The following DCC variants were observed in gnomAD, a reference collection of about 807,000 sequenced individuals.
DCC encodes the protein netrin receptor DCC.
Under a neutral mutation model 172.5 loss-of-function variants are expected in DCC, and 58 were observed. That is an observed-to-expected ratio of 0.34 (90% CI 0.27 to 0.42). The LOEUF (loss-of-function observed/expected upper bound fraction) is 0.42. DCC is among the 10% of genes least tolerant of loss of function. The pLI, the probability that DCC is intolerant of heterozygous loss-of-function variation, is 1.00. For synonymous variants in DCC, 709 were observed against 644.5 expected, an observed-to-expected ratio of 1.10 and a Z score of -1.52; for missense variants, 1,740 against 1,791.0, an observed-to-expected ratio of 0.97 and a Z score of 0.51.
At chr18:53,000,702 CAG>C in intron 5 of DCC, among the ~76,000 whole-genome samples, 1 of 147,450 alleles carries the variant, frequency 6.8e-6, no homozygotes. Context: ...AGACAAAAGT[CAG>C]GGACAGGAAC....
At chr18:53,206,042 A>G (rs1448102537) in intron 10 of DCC, among the ~76,000 whole-genome samples, 1 of 135,486 alleles carries the variant, frequency 7.4e-6, no homozygotes, top group Non-Finnish European at 1.6e-5. Context: ...ATATGTGTAT[A>G]TATAATATGT....
At chr18:52,708,764 G>GA (rs1043053141) in intron 1 of DCC, among the ~76,000 whole-genome samples, 11 of 151,996 alleles carry the variant, frequency 7.2e-5, no homozygotes, top group African/African-American at 2.7e-4. Context: ...AAATACAAGA[G>GA]AAAAAACAAA....
chr18:52,752,483 T>A (rs1389313356), intron 2 of DCC, 109 bp downstream of exon 2: 19 of 845,872 alleles, frequency 2.2e-5, no homozygotes, highest in Non-Finnish European at 3.7e-5. Context: ...TTTAAAAATC[T>A]TTTAAATTTT....
intron 2 of DCC, among the ~76,000 whole-genome samples, chr18:52,760,722 C>G (rs759456636): frequency 1.5e-4 from 23 of 152,104 alleles, no homozygotes; most frequent in Non-Finnish European, 2.5e-4. Context: ...GACTCAATAA[C>G]TGTATACAAA....
At chr18:52,655,342 T>C (rs534706090) in intron 1 of DCC, among the ~76,000 whole-genome samples, 1 of 152,268 alleles carries the variant, frequency 6.6e-6, no homozygotes, top group East Asian at 1.9e-4. Flanking sequence ...TTTGACAAAT[T>C]AATAATCGAG....
At chr18:52,817,803 ATG>A (rs1555668566) in intron 2 of DCC, among the ~76,000 whole-genome samples, 16 of 151,534 alleles carry the variant, frequency 1.1e-4, no homozygotes, top group African/African-American at 2.7e-4. Flanking sequence ...ATATATATAT[ATG>A]TGTGTGTGTG....
intron 15 of DCC, among the ~76,000 whole-genome samples, chr18:53,347,988 G>A (rs1247086880): frequency 1.3e-5 from 2 of 152,080 alleles, no homozygotes; most frequent in South Asian, 2.1e-4. Context: ...GGGACACAGC[G>A]AAACCATATC....
At chr18:53,523,687 A>T (rs936397839) in intron 27 of DCC, among the ~76,000 whole-genome samples, 6 of 152,032 alleles carry the variant, frequency 3.9e-5, no homozygotes, top group Non-Finnish European at 8.8e-5. Flanking sequence ...ATGTTCTCAC[A>T]CATAAGTGGG....
At chr18:53,254,869 T>C (rs1323130135) in intron 12 of DCC, among the ~76,000 whole-genome samples, 1 of 152,076 alleles carries the variant, frequency 6.6e-6, no homozygotes, top group African/African-American at 2.4e-5. Context: ...CATAGTAATA[T>C]TGTTGCAATA....
intron 7 of DCC, among the ~76,000 whole-genome samples, chr18:53,092,471 T>C (rs763451089): frequency 2.0e-5 from 3 of 152,206 alleles, no homozygotes; most frequent in Non-Finnish European, 2.9e-5. Flanking sequence ...CACTCCATCA[T>C]TTATTAAAGC....
intron 12 of DCC, among the ~76,000 whole-genome samples, chr18:53,262,934 TG>T (rs1211747265): frequency 1.3e-5 from 2 of 152,224 alleles, no homozygotes; most frequent in Non-Finnish European, 2.9e-5. Context: ...TTAGTGATTT[TG>T]TAAACAACTT....
intron 5 of DCC, among the ~76,000 whole-genome samples, chr18:53,060,843 A>T (rs984880166): frequency 2.6e-5 from 4 of 152,106 alleles, no homozygotes; most frequent in Non-Finnish European, 4.4e-5. Flanking sequence ...AAACTCAATC[A>T]TTTGTTTTTT....
chr18:53,220,668 C>T (rs1388624622), intron 12 of DCC, among the ~76,000 whole-genome samples: 1 of 152,228 alleles, frequency 6.6e-6, no homozygotes, highest in Non-Finnish European at 1.5e-5. Context: ...ACAAGCTTAA[C>T]AATGACACTT....
chr18:53,022,503 A>G (rs902833754), intron 5 of DCC, among the ~76,000 whole-genome samples: 5 of 151,326 alleles, frequency 3.3e-5, no homozygotes, highest in Non-Finnish European at 7.4e-5. Context: ...TAAAAAAGAT[A>G]CATACATATA....
rs148510341 is a variant in DCC, at chr18:52,827,139, G to C, written c.412+74765G>C. Among the ~76,000 whole-genome samples, 8 of 152,290 alleles carry C rather than the reference G, an allele frequency of 5.3e-5. No individual in the cohort carries two copies. In the East Asian group the frequency reaches 1.5e-3, roughly 29 times the overall value. ...ATGATCAGTCTAGCAAACCCAGCCAGGGCCTGGAGGGGGCCCTACTCAGTC... is the reference window on the plus strand; with the variant it reads ...ATGATCAGTCTAGCAAACCCAGCCACGGCCTGGAGGGGGCCCTACTCAGTC... On this transcript the variant is annotated intron_variant, in intron 2 of 28. Coordinates refer to ENST00000442544, the MANE Select transcript of DCC (RefSeq NM_005215.4).
intron 28 of DCC, among the ~76,000 whole-genome samples, chr18:53,529,022 TCTCTCTCTCTCTCTCTCA>T (rs1175299129): frequency 1.3e-4 from 17 of 130,482 alleles, no homozygotes; most frequent in African/African-American, 5.6e-4. Flanking sequence ...TCTCTCTCTC[TCTCTCTCTCTCTCTCTCA>T]CACACACACA....
chr18:53,075,133 A>G (rs2042707396), intron 7 of DCC, among the ~76,000 whole-genome samples: 2 of 152,218 alleles, frequency 1.3e-5, no homozygotes, highest in Non-Finnish European at 2.9e-5. Flanking sequence ...ACATATTTTA[A>G]TGACAATGTC....
intron 2 of DCC, among the ~76,000 whole-genome samples, chr18:52,858,109 G>A (rs2039081647): frequency 6.6e-6 from 1 of 152,196 alleles, no homozygotes. Flanking sequence ...CGAGAATCAT[G>A]CATTGTCTGT....
chr18:52,578,788 C>T (rs994122893), intron 1 of DCC, among the ~76,000 whole-genome samples: 5 of 151,944 alleles, frequency 3.3e-5, no homozygotes, highest in African/African-American at 4.8e-5. Context: ...ATCACGAGGT[C>T]GAGATTGAGA....
Sources: gnomAD v4.1 joint callset for allele counts (sites outside exome capture counted in the v4.1 genomes callset) on GRCh38, gnomAD v4.1.1 for gene constraint, MANE v1.5 for transcripts, NCBI Gene and HGNC (gene_info 2026-07-23, HGNC 2026-07-21) for gene names.